Variants in ATRNL1 observed in about 807,000 individuals in gnomAD.
ATRNL1 encodes attractin like 1.
In ATRNL1, 95 loss-of-function variants were observed where a neutral mutation model predicts 182.7. The observed-to-expected ratio is 0.52, with a 90% CI of 0.44 to 0.62. ATRNL1 has a LOEUF of 0.62. ATRNL1 is among the 20% of genes least tolerant of loss of function. The pLI is 0.00. For missense variants in ATRNL1, 1,471 were observed against 1,679.5 expected (o/e 0.88, Z 2.17); for synonymous variants, 576 against 568.3 (o/e 1.01, Z -0.19).
At chr10:115,493,163 A>G (rs1295486499) in intron 24 of ATRNL1, among the ~76,000 whole-genome samples, 2 of 152,104 alleles carry the variant, frequency 1.3e-5, no homozygotes, top group East Asian at 1.9e-4. Context: ...AGTTTGCTAC[A>G]TGGGTAAACT....
At chr10:115,472,274 G>A (rs1051386903) in intron 24 of ATRNL1, among the ~76,000 whole-genome samples, 3 of 151,054 alleles carry the variant, frequency 2.0e-5, no homozygotes, top group Non-Finnish European at 4.5e-5. Context: ...AAATCAGTAA[G>A]TATGATGCCT....
intron 25 of ATRNL1, among the ~76,000 whole-genome samples, chr10:115,544,808 T>A (rs1238579360): frequency 6.6e-6 from 1 of 152,180 alleles, no homozygotes; most frequent in Non-Finnish European, 1.5e-5. Context: ...ATTCTTCAGG[T>A]GTCCAAGATT....
intron 28 of ATRNL1, among the ~76,000 whole-genome samples, chr10:115,854,136 A>G (rs1414826937): frequency 1.3e-5 from 2 of 152,214 alleles, no homozygotes; most frequent in East Asian, 1.9e-4. Flanking sequence ...CATACTTACA[A>G]GTTGTGTTAA....
chr10:115,656,632 A>C (rs1860351775), intron 26 of ATRNL1, among the ~76,000 whole-genome samples: 1 of 152,226 alleles, frequency 6.6e-6, no homozygotes, highest in African/African-American at 2.4e-5. Context: ...TGAATGAATG[A>C]ATGAATGAAT....
chr10:115,462,340 G>T (rs113707384), intron 22 of ATRNL1, among the ~76,000 whole-genome samples: 2,665 of 152,150 alleles, frequency 0.018, 85 homozygotes, highest in African/African-American at 0.06. Flanking sequence ...TCGTTCGGGC[G>T]CAGTGGCTCA....
intron 1 of ATRNL1, among the ~76,000 whole-genome samples, chr10:115,094,473 CTA>C (rs1332859014): frequency 6.6e-6 from 1 of 152,220 alleles, no homozygotes; most frequent in Non-Finnish European, 1.5e-5. Context: ...CAGTTATGAT[CTA>C]TGAGTGCCTC....
At position 115,241,627 on chromosome 10, in the gene ATRNL1, A is replaced by G. The variant is rs116736717; in HGVS notation, c.1589A>G (p.Asn530Ser). 13 of 1,612,216 alleles carry G rather than the reference A, an allele frequency of 8.1e-6. No individual in the cohort carries two copies. In the East Asian group the frequency reaches 2.2e-4, roughly 28 times the overall value. Reference sequence around the variant, plus strand: ...TACCTTCATTCAGCTGTTCTTATCAATGGAGCTATGCTTATTTTTGGAGGA... The same window carrying G: ...TACCTTCATTCAGCTGTTCTTATCAGTGGAGCTATGCTTATTTTTGGAGGA... Reference protein sequence around the residue: ...ARYLHSAVLINGAMLIFGGNT... With the variant: ...ARYLHSAVLISGAMLIFGGNT... Residue 530 changes from asparagine to serine, a missense_variant, in exon 10 of 29, where the codon AAT becomes AGT. This residue lies in a region of ATRNL1 where 1,031 missense variants were observed against 1,156.0 expected (regional missense o/e 0.89). Transcript: ENST00000355044.
intron 28 of ATRNL1, among the ~76,000 whole-genome samples, chr10:115,924,881 A>G (rs1953175923): frequency 6.6e-6 from 1 of 152,204 alleles, no homozygotes; most frequent in Non-Finnish European, 1.5e-5. Flanking sequence ...ATCCATGAAC[A>G]TGGAATGTTT....
intron 21 of ATRNL1, among the ~76,000 whole-genome samples, chr10:115,460,007 A>G (rs1554969415): frequency 2.6e-5 from 4 of 152,068 alleles, no homozygotes; most frequent in Non-Finnish European, 5.9e-5. Flanking sequence ...GGTGATCACT[A>G]CTCAGTCTTT....
chr10:115,195,450 T>C lies in ATRNL1; in HGVS notation c.1349-20247T>C, dbSNP rs564258598. ...ATCTCGCTCTCCTGGACTGCAAGTT[T>C]CCTACTGAGAAGTCTGCTGCCAGAT... is the stretch of plus-strand genomic sequence containing the variant. On this transcript the variant is annotated intron_variant, in intron 8 of 28. Transcript: ENST00000355044. Among the ~76,000 whole-genome samples the C allele has an allele frequency of 6.9e-4, 105 of 152,242 alleles. 1 individual carries two copies. Among genetic ancestry groups the C allele is most frequent in the Non-Finnish European group, 1.3e-3 (87 of 68,010 alleles).
chr10:115,762,617 A>C (rs1948760093), intron 27 of ATRNL1, among the ~76,000 whole-genome samples: 1 of 152,126 alleles, frequency 6.6e-6, no homozygotes, highest in Admixed American at 6.6e-5. Context: ...TTGGGGAGAA[A>C]GGGTACATTT....
intron 20 of ATRNL1, among the ~76,000 whole-genome samples, chr10:115,407,634 G>A (rs1554958586): frequency 2.0e-5 from 3 of 151,898 alleles, no homozygotes; most frequent in Non-Finnish European, 4.4e-5. Context: ...ATCTATTGAT[G>A]TACACTTAGG....
At chr10:115,583,829 A>C (rs1485164845) in intron 26 of ATRNL1, among the ~76,000 whole-genome samples, 5 of 150,336 alleles carry the variant, frequency 3.3e-5, no homozygotes, top group Non-Finnish European at 7.4e-5. Context: ...GTCTTGTGCC[A>C]GTTTTCAAAG....
chr10:115,169,521 T>C (rs1219378868), intron 7 of ATRNL1, among the ~76,000 whole-genome samples: 4 of 152,114 alleles, frequency 2.6e-5, no homozygotes, highest in African/African-American at 9.7e-5. Flanking sequence ...TCTTGATTAC[T>C]TTTGCTTTGC....
chr10:115,259,672 A>T (rs1281696040), intron 10 of ATRNL1, among the ~76,000 whole-genome samples: 1 of 152,172 alleles, frequency 6.6e-6, no homozygotes, highest in Admixed American at 6.5e-5. Context: ...TCAGTTGGAA[A>T]TGCAGAAATC....
rs192207129 is a variant in ATRNL1 at position 115,548,145 on chromosome 10, T to A, written c.3717-1313T>A. 1.2e-3 allele frequency among the ~76,000 whole-genome samples: 185 copies of A among 152,352 alleles called. 2 individuals are homozygous for A. In the East Asian group the frequency reaches 0.029, roughly 24 times the overall value. ...TATAAGCAATTAACTTCAAAATCTC[T>A]GAGGACTGGATTCCTCTTTTCTCAA... is the stretch of plus-strand genomic sequence containing the variant. On this transcript the variant is annotated intron_variant, in intron 25 of 28. Coordinates refer to ENST00000355044, the MANE Select transcript of ATRNL1 (RefSeq NM_207303.4).
intron 14 of ATRNL1, among the ~76,000 whole-genome samples, chr10:115,285,505 A>T (rs909595469): frequency 1.3e-5 from 2 of 152,154 alleles, no homozygotes; most frequent in Non-Finnish European, 2.9e-5. Flanking sequence ...TAATTAGTGC[A>T]CACTAAAGTT....
intron 19 of ATRNL1, among the ~76,000 whole-genome samples, chr10:115,369,869 A>G (rs1330329341): frequency 6.6e-6 from 1 of 152,104 alleles, no homozygotes. Flanking sequence ...CCATTTTTTA[A>G]TCTTTTGAGA....
chr10:115,462,415 C>T (rs192389646), intron 22 of ATRNL1, among the ~76,000 whole-genome samples: 24 of 152,058 alleles, frequency 1.6e-4, no homozygotes, highest in Admixed American at 2.6e-4. Context: ...AGATCGAGAC[C>T]ATCCTGGCCA....
Sources: gnomAD v4.1 joint callset for allele counts (sites outside exome capture counted in the v4.1 genomes callset) on GRCh38, gnomAD v4.1.1 for gene constraint, gnomAD v4.1.1 regional missense constraint, MANE v1.5 for transcripts, NCBI Gene and HGNC (gene_info 2026-07-23, HGNC 2026-07-21) for gene names.